The following TBATA variants were observed in gnomAD, a reference collection of about 807,000 sequenced individuals.
TBATA encodes the protein thymus, brain and testes associated.
Under a neutral mutation model 38.7 loss-of-function variants are expected in TBATA, and 47 were observed. The ratio of observed to expected loss-of-function variants is 1.21; its 90% confidence interval spans 0.96 to 1.55. The LOEUF (loss-of-function observed/expected upper bound fraction) is 1.55, where lower values mean the gene tolerates loss of function less well. Ranked by LOEUF, TBATA falls within the 40% of genes most tolerant of loss-of-function variation. TBATA has a pLI of 0.00. For synonymous variants in TBATA, 183 were observed against 170.5 expected (o/e 1.07, Z -0.57); for missense variants, 436 against 435.6 (o/e 1.00, Z -0.01).
chr10:70,771,522 G>A, intron 10 of TBATA, 61 bp from the exon 11 acceptor site: 4 of 1,497,724 alleles, frequency 2.7e-6, no homozygotes, highest in Non-Finnish European at 3.7e-6. Context: ...CCACCTGGGA[G>A]CTGCAGGTGG....
In TBATA at chr10:70,782,065, A is replaced by T. The variant is rs572896390; in HGVS notation, c.42-29T>A. On this transcript the variant is annotated intron_variant, in intron 3 of 10. Coordinates refer to ENST00000456372, the MANE Select transcript of TBATA (RefSeq NM_001318241.2). Reference sequence around the variant, plus strand: ...AAGGAGGGGGTTTCAGGAGAAGCTAATGGAGTCTCCTCTGGCAGTGGGCCC... The same window carrying T: ...AAGGAGGGGGTTTCAGGAGAAGCTATTGGAGTCTCCTCTGGCAGTGGGCCC... 1.3e-4 allele frequency: 206 copies of T among 1,606,938 alleles called. 1 individual carries two copies. The South Asian group carries it at 2.1e-3, about 16-fold the overall frequency.
Position 70,778,463 on chromosome 10 carries a change from T to G in TBATA, c.507+94A>C, listed in dbSNP as rs952611894. 5 of 1,265,334 alleles carry G rather than the reference T, an allele frequency of 4.0e-6. No homozygotes were observed. In the African/African-American group the frequency reaches 7.4e-5, roughly 19 times the overall value. The allele number at this position is 1,265,334 out of a possible 1,614,324, so 78.4% of individuals were successfully genotyped here. A position where few individuals can be genotyped will look rare whatever the true frequency, so the allele number is the denominator to read the frequency against. Reference sequence around the variant, plus strand: ...TATGAATCAGTCCCCCCACCCCACCTCTGGTAGGCTGAACTGACTCGGGAG... The same window carrying G: ...TATGAATCAGTCCCCCCACCCCACCGCTGGTAGGCTGAACTGACTCGGGAG... On this transcript the variant is annotated intron_variant, in intron 6 of 10. Transcript: ENST00000456372.
At chr10:70,776,215 C>T (rs569406072) in intron 7 of TBATA, 1 of 390,980 alleles carries the variant, frequency 2.6e-6, no homozygotes, top group East Asian at 7.5e-5. Flanking sequence ...GGCCTCTCCC[C>T]AGGCCTCTGC....
chr10:70,777,388 A>AGAG (rs1221802519), intron 6 of TBATA, 50 bp from the exon 7 acceptor site: 1 of 1,563,862 alleles, frequency 6.4e-7, no homozygotes, highest in African/African-American at 1.3e-5. Flanking sequence ...GAGGGGAGGA[A>AGAG]GAGGGCTGAG....
intron 7 of TBATA, among the ~76,000 whole-genome samples, chr10:70,775,533 A>C (rs142520172): frequency 1.2e-3 from 185 of 152,172 alleles, no homozygotes; most frequent in African/African-American, 4.2e-3. Flanking sequence ...AGGCCCTGAG[A>C]GGGGATGCTA....
At chr10:70,775,817 G>A (rs934752224) in intron 7 of TBATA, among the ~76,000 whole-genome samples, 1 of 152,216 alleles carries the variant, frequency 6.6e-6, no homozygotes, top group African/African-American at 2.4e-5. Context: ...AGCCTGAGGC[G>A]GGGCAGCACA....
At chr10:70,784,470 C>A (rs1196893132) in intron 2 of TBATA, among the ~76,000 whole-genome samples, 177 bp downstream of exon 2, 1 of 152,140 alleles carries the variant, frequency 6.6e-6, no homozygotes, top group Non-Finnish European at 1.5e-5. Context: ...GACAGGACAT[C>A]AGTGCATTCT....
intron 3 of TBATA, 127 bp downstream of exon 3, chr10:70,783,212 G>A (rs1589424758): frequency 1.8e-6 from 2 of 1,096,434 alleles, no homozygotes. Flanking sequence ...ACCGGCAGCA[G>A]AAGTCCAGTA....
At chr10:70,772,420 G>T in intron 10 of TBATA, 94 bp downstream of exon 10, 1 of 1,135,242 alleles carries the variant, frequency 8.8e-7, no homozygotes, top group Non-Finnish European at 1.3e-6. Context: ...CCTTGGGCAG[G>T]GACTCATCTC....
At chr10:70,777,019 C>A in intron 7 of TBATA, 134 bp downstream of exon 7, 1 of 913,554 alleles carries the variant, frequency 1.1e-6, no homozygotes, top group Non-Finnish European at 1.6e-6. Context: ...CTGCTGCTGA[C>A]TCCACAGGGC....
chr10:70,776,958 G>A (rs1170370891), intron 7 of TBATA, among the ~76,000 whole-genome samples, 195 bp downstream of exon 7: 1 of 152,184 alleles, frequency 6.6e-6, no homozygotes, highest in East Asian at 1.9e-4. Flanking sequence ...AGGGCCCAGG[G>A]AGGGGAAAGG....
In TBATA at chr10:70,778,635, T is replaced by C. The variant is rs770382996; in HGVS notation, c.429A>G (p.Glu143=). 1 of 1,614,146 alleles carries C rather than the reference T, an allele frequency of 6.2e-7. No homozygotes were observed. Among genetic ancestry groups the C allele is most frequent in the Non-Finnish European group, 8.5e-7 (1 of 1,180,000 alleles). The change falls in exon 6 of 11, where the codon GAA becomes GAG. Residue 143 remains glutamate (E), a splice_region_variant and synonymous_variant. Coordinates refer to ENST00000456372, the MANE Select transcript of TBATA (RefSeq NM_001318241.2). ...QSNRNPQLSS[E]AWKKELKELA... ...GCTCCTTCAACTCCTTCTTCCAGGCTTCTGGGAGGAGGGGACAAGGTCCTG... is the reference window on the plus strand; with the variant it reads ...GCTCCTTCAACTCCTTCTTCCAGGCCTCTGGGAGGAGGGGACAAGGTCCTG...
rs1778813011 is a variant in TBATA, at chr10:70,784,668, CT to C, written c.-169del. ...TCACAGTTTGCTGATCTTTTCTTTC[CT>C]TAAAAGGAAGCTCCAGACATCCTTG... is the stretch of plus-strand genomic sequence containing the variant. On this transcript the variant is annotated 5_prime_UTR_variant, in exon 2 of 11. It removes the in-frame stop codon of an upstream open reading frame in the 5' UTR. Transcript: ENST00000456372. The C allele has an allele frequency of 6.6e-6, 1 of 152,164 alleles. No individual in the cohort carries two copies. Among genetic ancestry groups the C allele is most frequent in the African/African-American group, 2.4e-5 (1 of 41,432 alleles). The allele number at this position is 152,164 out of a possible 1,614,324, so 9.4% of individuals were successfully genotyped here.
chr10:70,772,473 C>T (rs771015912), intron 10 of TBATA, 41 bp downstream of exon 10: 3 of 1,602,786 alleles, frequency 1.9e-6, no homozygotes, highest in Non-Finnish European at 2.6e-6. Context: ...CAGAGTGGGC[C>T]TTGGTGAGTC....
intron 4 of TBATA, among the ~76,000 whole-genome samples, chr10:70,780,419 C>T (rs540882126): frequency 1.4e-4 from 21 of 152,194 alleles, no homozygotes; most frequent in African/African-American, 4.1e-4. Context: ...ACTCTTGTCC[C>T]GGCTCCCTAC....
rs1206092157 is a variant in TBATA, at chr10:70,778,793, T to C, written c.428-157A>G. 4 of 723,430 alleles carry C rather than the reference T, an allele frequency of 5.5e-6. No individual in the cohort carries two copies. In the African/African-American group the frequency reaches 6.9e-5, roughly 13 times the overall value. The allele number at this position is 723,430 out of a possible 1,614,324, so 44.8% of individuals were successfully genotyped here. A position where few individuals can be genotyped will look rare whatever the true frequency, so the allele number is the denominator to read the frequency against. ...AGGCGGTGCCCTGGAGGGAGAAGGA[T>C]CTGGATTCACACCATGGGTGGTGGT... On this transcript the variant is annotated intron_variant, in intron 5 of 10. Coordinates refer to ENST00000456372, the MANE Select transcript of TBATA (RefSeq NM_001318241.2).
chr10:70,783,275 T>C (rs1844484494), intron 3 of TBATA, 64 bp downstream of exon 3: 1 of 1,590,754 alleles, frequency 6.3e-7, no homozygotes, highest in Non-Finnish European at 8.6e-7. Context: ...AGGCCACCTT[T>C]GTCTTCTACC....
intron 4 of TBATA, among the ~76,000 whole-genome samples, chr10:70,780,081 G>A (rs1843976648): frequency 6.6e-6 from 1 of 152,178 alleles, no homozygotes; most frequent in East Asian, 1.9e-4. Context: ...GAGTACAAAC[G>A]GGTAGGCAGG....
Position 70,778,568 on chromosome 10 carries a change from T to G in TBATA, c.496A>C (p.Lys166Gln). 2 of 1,614,154 alleles carry G rather than the reference T, an allele frequency of 1.2e-6. No homozygotes were observed. Among genetic ancestry groups the G allele is most frequent in the Non-Finnish European group, 1.7e-6 (2 of 1,180,016 alleles). The change falls in exon 6 of 11, where the codon AAG (lysine) becomes CAG (glutamine). Residue 166 changes from lysine to glutamine, a missense_variant. Coordinates refer to ENST00000456372, the MANE Select transcript of TBATA (RefSeq NM_001318241.2). ...VAFLTKEDEL[K>Q]KKEQKEQKEE... is the part of the protein sequence containing the mutation. ...TGTTCCGCACCCACCTCTTTCTTCT[T>G]CAGTTCATCCTCCTTGGTGAGGAAG...
Sources: gnomAD v4.1 joint callset for allele counts (sites outside exome capture counted in the v4.1 genomes callset) on GRCh38, gnomAD v4.1.1 for gene constraint, MANE v1.5 for transcripts, NCBI Gene and HGNC (gene_info 2026-07-23, HGNC 2026-07-21) for gene names.